PCDH15: variants seen among roughly 807,000 people sequenced by gnomAD.
The protein encoded by PCDH15 is protocadherin-15.
PCDH15 carries 129 observed loss-of-function variants against 178.5 expected under a neutral mutation model. The observed-to-expected ratio is 0.72, with a 90% CI of 0.63 to 0.84. PCDH15 has a LOEUF of 0.84. Ranked by LOEUF, PCDH15 falls within the 40% of genes least tolerant of loss-of-function variation. PCDH15 has a pLI of 0.00. For synonymous variants in PCDH15, 800 were observed against 732.0 expected, an observed-to-expected ratio of 1.09 and a Z score of -1.50; for missense variants, 2,230 against 2,099.9, an observed-to-expected ratio of 1.06 and a Z score of -1.21.
chr10:55,170,409 A>G (rs2132122510), intron 1 of PCDH15, among the ~76,000 whole-genome samples: 1 of 152,226 alleles, frequency 6.6e-6, no homozygotes, highest in Non-Finnish European at 1.5e-5. Context: ...TAAGCCTCCC[A>G]AAGTGCTATG....
chr10:54,296,313 C>A (rs1018057133), intron 8 of PCDH15, among the ~76,000 whole-genome samples: 3 of 151,932 alleles, frequency 2.0e-5, no homozygotes, highest in Non-Finnish European at 4.4e-5. Flanking sequence ...TGGGCTGAGC[C>A]GAGGGTAGAC....
intron 2 of PCDH15, among the ~76,000 whole-genome samples, chr10:55,492,379 G>C (rs1449033322): frequency 6.6e-6 from 1 of 151,686 alleles, no homozygotes; most frequent in East Asian, 2.0e-4. Flanking sequence ...TCAATCCAGG[G>C]ACTACTTCTA....
chr10:55,211,320 A>C (rs149798487), intron 1 of PCDH15, among the ~76,000 whole-genome samples: 1 of 152,314 alleles, frequency 6.6e-6, no homozygotes, highest in East Asian at 1.9e-4. Flanking sequence ...AAGCCAGTAA[A>C]TAGCCAATGT....
At chr10:54,824,139 T>C (rs950067269) in intron 3 of PCDH15, among the ~76,000 whole-genome samples, 13 of 152,046 alleles carry the variant, frequency 8.6e-5, no homozygotes, top group Admixed American at 6.6e-5. Flanking sequence ...ACTCAAGAGA[T>C]TTTATTTCCT....
intron 2 of PCDH15, among the ~76,000 whole-genome samples, chr10:55,067,569 G>C (rs137890824): frequency 6.6e-6 from 1 of 151,374 alleles, no homozygotes; most frequent in Non-Finnish European, 1.5e-5. Context: ...TTGGTATATT[G>C]ATTTATTTTT....
chr10:54,542,188 A>G (rs61853606), intron 2 of PCDH15, among the ~76,000 whole-genome samples: 17,054 of 152,252 alleles, frequency 0.11, 1,265 homozygotes, highest in East Asian at 0.36. Flanking sequence ...ATATAGGCTT[A>G]TATTTCTGGA....
chr10:55,280,667 T>A (rs1842710261), intron 1 of PCDH15, among the ~76,000 whole-genome samples: 1 of 152,016 alleles, frequency 6.6e-6, no homozygotes, highest in Non-Finnish European at 1.5e-5. Context: ...ACAGTAATGA[T>A]GATGTTCTAT....
chr10:54,447,133 A>T (rs1565300058), intron 3 of PCDH15, among the ~76,000 whole-genome samples: 1 of 151,532 alleles, frequency 6.6e-6, no homozygotes, highest in Non-Finnish European at 1.5e-5. Flanking sequence ...ATCTATCTCT[A>T]AGCGTTGGTG....
At chr10:54,838,045 C>CTACATACTTGTGCAAGTATGTAGAA (rs1213221779) in intron 3 of PCDH15, among the ~76,000 whole-genome samples, 80 of 152,044 alleles carry the variant, frequency 5.3e-4, no homozygotes, top group Non-Finnish European at 6.6e-4. Flanking sequence ...TCCAAGTATT[C>CTACATACTTGTGCAAGTATGTAGAA]TACATACTTG....
At chr10:55,202,682 T>C (rs934468761) in intron 1 of PCDH15, among the ~76,000 whole-genome samples, 2 of 152,104 alleles carry the variant, frequency 1.3e-5, no homozygotes, top group African/African-American at 4.8e-5. Context: ...CCAAACTTTA[T>C]CTTGAATAGT....
chr10:55,263,573 G>C (rs74139505), intron 1 of PCDH15, among the ~76,000 whole-genome samples: 2 of 151,946 alleles, frequency 1.3e-5, no homozygotes, highest in Non-Finnish European at 2.9e-5. Context: ...AACCCCAAAG[G>C]GCCAATAGAC....
chr10:55,291,265 C>A (rs1842999656), intron 1 of PCDH15, among the ~76,000 whole-genome samples: 1 of 152,152 alleles, frequency 6.6e-6, no homozygotes. Flanking sequence ...ACAACACATA[C>A]TTAAAACTTA....
chr10:55,186,163 T>G (rs1839794582), intron 1 of PCDH15, among the ~76,000 whole-genome samples: 1 of 151,534 alleles, frequency 6.6e-6, no homozygotes, highest in South Asian at 2.1e-4. Flanking sequence ...AAAAAATACA[T>G]TATTTGACTA....
intron 1 of PCDH15, among the ~76,000 whole-genome samples, chr10:54,759,521 T>C (rs1237275107): frequency 2.0e-5 from 3 of 152,236 alleles, no homozygotes; most frequent in African/African-American, 7.2e-5. Flanking sequence ...ACAACCTGCA[T>C]GTATGCAGTT....
At chr10:54,577,338 C>T (rs898642935) in intron 2 of PCDH15, among the ~76,000 whole-genome samples, 4 of 151,776 alleles carry the variant, frequency 2.6e-5, no homozygotes, top group East Asian at 1.9e-4. Flanking sequence ...ACAATACACC[C>T]GCCTCGGCCT....
chr10:55,004,675 A>G lies in PCDH15; in HGVS notation c.-79-107175T>C, dbSNP rs149580635. Among the ~76,000 whole-genome samples the G allele has an allele frequency of 1.1e-4, 16 of 152,264 alleles. No homozygotes were observed. In the East Asian group the frequency reaches 3.1e-3, roughly 29 times the overall value. ...AAACCACTAAATTTAGTTCAGTTGA[A>G]GAGATGGATTTGAGACTGAACTCCT... On this transcript the variant is annotated intron_variant, in intron 2 of 5. Coordinates refer to the PCDH15 transcript ENST00000458638.
At chr10:54,119,810 A>G (rs2095183234) in intron 15 of PCDH15, among the ~76,000 whole-genome samples, 1 of 152,106 alleles carries the variant, frequency 6.6e-6, no homozygotes, top group African/African-American at 2.4e-5. Context: ...TCTGGGATAC[A>G]TGTGCAGAAC....
At chr10:55,117,147 T>G (rs377393113) in intron 2 of PCDH15, among the ~76,000 whole-genome samples, 2 of 152,320 alleles carry the variant, frequency 1.3e-5, no homozygotes, top group African/African-American at 4.8e-5. Flanking sequence ...TTTTCTCTTG[T>G]TAATCGATCT....
intron 16 of PCDH15, among the ~76,000 whole-genome samples, chr10:54,081,503 G>C (rs2094436583): frequency 6.6e-6 from 1 of 152,048 alleles, no homozygotes; most frequent in Non-Finnish European, 1.5e-5. Context: ...CGCGGGCCTT[G>C]CGACTCAGTG....
Sources: gnomAD v4.1 joint callset for allele counts (sites outside exome capture counted in the v4.1 genomes callset) on GRCh38, gnomAD v4.1.1 for gene constraint, MANE v1.5 for transcripts, NCBI Gene and HGNC (gene_info 2026-07-23, HGNC 2026-07-21) for gene names.